Variants in UBE4B observed in about 807,000 individuals in gnomAD.
The protein encoded by UBE4B is ubiquitin conjugation factor E4 B.
UBE4B carries 27 observed loss-of-function variants against 148.1 expected under a neutral mutation model. That is an observed-to-expected ratio of 0.18 (90% confidence interval 0.13 to 0.25). The LOEUF (loss-of-function observed/expected upper bound fraction) is 0.25, where lower values mean the gene tolerates loss of function less well. Ranked by LOEUF, UBE4B falls within the 10% of genes least tolerant of loss-of-function variation. The pLI, the probability that UBE4B is intolerant of heterozygous loss-of-function variation, is 1.00. For missense variants in UBE4B, 1,170 were observed against 1,662.4 expected, an observed-to-expected ratio of 0.70 and a Z score of 5.15; for synonymous variants, 596 against 619.3, an observed-to-expected ratio of 0.96 and a Z score of 0.56.
At chr1:10,146,325 G>A (rs1207915105) in intron 18 of UBE4B, among the ~76,000 whole-genome samples, 4 of 152,166 alleles carry the variant, frequency 2.6e-5, no homozygotes, top group Non-Finnish European at 5.9e-5. Context: ...GGTGGCACAC[G>A]ACTGAAATCT....
At chr1:10,071,706 A>C (rs1570823646) in intron 1 of UBE4B, among the ~76,000 whole-genome samples, 1 of 152,184 alleles carries the variant, frequency 6.6e-6, no homozygotes, top group African/African-American at 2.4e-5. Flanking sequence ...TTATGTATGT[A>C]TGAATTAGAG....
intron 1 of UBE4B, among the ~76,000 whole-genome samples, chr1:10,060,825 T>C (rs1644270439): frequency 6.6e-6 from 1 of 152,056 alleles, no homozygotes; most frequent in South Asian, 2.1e-4. Context: ...AGTGGTGCAA[T>C]TGTAGCTCAC....
intron 2 of UBE4B, among the ~76,000 whole-genome samples, chr1:10,081,114 A>C (rs1644672270): frequency 6.6e-6 from 1 of 152,108 alleles, no homozygotes; most frequent in South Asian, 2.1e-4. Flanking sequence ...CCAGGCTGGC[A>C]TACAATGGCA....
At chr1:10,117,019 A>T (rs754029397) in intron 7 of UBE4B, among the ~76,000 whole-genome samples, 15 of 152,142 alleles carry the variant, frequency 9.9e-5, no homozygotes, top group Non-Finnish European at 5.9e-5. Context: ...GGCTTTTGAG[A>T]TCCATGGTAG....
chr1:10,054,441 T>C (rs1644121107), intron 1 of UBE4B: 2 of 383,214 alleles, frequency 5.2e-6, no homozygotes, highest in Admixed American at 5.9e-5. Flanking sequence ...TCACACCTCT[T>C]ATGCCATGAA....
intron 10 of UBE4B, among the ~76,000 whole-genome samples, 176 bp downstream of exon 10, chr1:10,122,252 T>C (rs1297819810): frequency 6.6e-6 from 1 of 152,216 alleles, no homozygotes; most frequent in African/African-American, 2.4e-5. Context: ...GTTCAAATCA[T>C]GTGCCCATTT....
chr1:10,109,951 G>A (rs553055704), intron 7 of UBE4B, among the ~76,000 whole-genome samples: 44 of 152,124 alleles, frequency 2.9e-4, no homozygotes, highest in Non-Finnish European at 5.7e-4. Context: ...CGCCCACCTC[G>A]GCCTCCCAAA....
At chr1:10,057,359 A>C (rs1644193244) in intron 1 of UBE4B, among the ~76,000 whole-genome samples, 1 of 151,692 alleles carries the variant, frequency 6.6e-6, no homozygotes, top group East Asian at 1.9e-4. Flanking sequence ...CTGGCTTTGG[A>C]GAATTAAAGG....
intron 1 of UBE4B, among the ~76,000 whole-genome samples, chr1:10,036,790 A>C (rs1295727613): frequency 6.6e-6 from 1 of 152,198 alleles, no homozygotes; most frequent in East Asian, 1.9e-4. Context: ...TTACAAAATA[A>C]TACACTTATA....
intron 2 of UBE4B, among the ~76,000 whole-genome samples, chr1:10,095,191 AGAGAGGTGAT>A (rs1259401049): frequency 6.6e-6 from 1 of 152,190 alleles, no homozygotes; most frequent in East Asian, 1.9e-4. Flanking sequence ...AATTGGTGCA[AGAGAGGTGAT>A]GAGGGGTGAG....
intron 1 of UBE4B, among the ~76,000 whole-genome samples, chr1:10,067,852 C>G (rs751105414): frequency 6.6e-6 from 1 of 151,864 alleles, no homozygotes; most frequent in African/African-American, 2.4e-5. Flanking sequence ...CTCAGCTTCC[C>G]GAGTAGCTTG....
intron 15 of UBE4B, among the ~76,000 whole-genome samples, chr1:10,133,867 T>C (rs1645635298): frequency 6.6e-6 from 1 of 151,060 alleles, no homozygotes; most frequent in African/African-American, 2.4e-5. Context: ...CTGGGCAACA[T>C]AGGGAGACCC....
chr1:10,159,670 G>T (rs922426467), intron 22 of UBE4B, among the ~76,000 whole-genome samples: 10 of 152,222 alleles, frequency 6.6e-5, no homozygotes, highest in African/African-American at 2.2e-4. Flanking sequence ...GGGCGACAGA[G>T]TGAGACTCCG....
chr1:10,061,731 A>G (rs1281726518), intron 1 of UBE4B, among the ~76,000 whole-genome samples: 1 of 152,136 alleles, frequency 6.6e-6, no homozygotes, highest in Non-Finnish European at 1.5e-5. Context: ...CCAGAAATCA[A>G]GCCGCACCAG....
At chr1:10,152,259 A>AAATAATAATAATAATAATAAT (rs60838123) in intron 21 of UBE4B, among the ~76,000 whole-genome samples, 1 of 141,320 alleles carries the variant, frequency 7.1e-6, no homozygotes, top group African/African-American at 2.6e-5. Flanking sequence ...ACTCCGTCTC[A>AAATAATAATAATAATAATAAT]AATAATAATA....
chr1:10,175,611 A>C (rs1443692184), intron 25 of UBE4B, among the ~76,000 whole-genome samples: 3 of 152,004 alleles, frequency 2.0e-5, no homozygotes, highest in South Asian at 2.1e-4. Flanking sequence ...AGATCGCGCC[A>C]CTGCACTCCA....
intron 12 of UBE4B, among the ~76,000 whole-genome samples, chr1:10,129,810 G>A (rs1469386260): frequency 6.6e-6 from 1 of 151,586 alleles, no homozygotes. Flanking sequence ...ATTACCATGC[G>A]AGGCTAATTT....
rs138900358 is a variant in UBE4B, at chr1:10,145,006, C to T, written c.2430C>T (p.Arg810=). 3.2e-4 allele frequency: 518 copies of T among 1,613,546 alleles called. 2 individuals are homozygous for T. Among genetic ancestry groups the T allele is most frequent in the Middle Eastern group, 5.0e-4 (3 of 6,060 alleles). ...WKDSPLATRH[R]EMLKRCKTQL... ...ATTCCCCACTGGCAACTAGACACCG[C>T]GAAATGCTGAAGCGCTGTAAAACTC... Residue 810 remains arginine, a synonymous_variant, in exon 18 of 28, where the codon CGC becomes CGT. Transcript: ENST00000343090.
At chr1:10,049,846 A>G (rs1235094110) in intron 1 of UBE4B, among the ~76,000 whole-genome samples, 2 of 150,746 alleles carry the variant, frequency 1.3e-5, no homozygotes, top group Non-Finnish European at 2.9e-5. Flanking sequence ...GCCATGATCC[A>G]TGTCACTGCC....
Sources: allele counts gnomAD v4.1 joint callset (sites outside exome capture counted in the v4.1 genomes callset), GRCh38; gene constraint gnomAD v4.1.1; transcripts MANE v1.5; gene names NCBI Gene and HGNC (gene_info 2026-07-23, HGNC 2026-07-21).